Variants in IGSF10 observed in about 807,000 individuals in gnomAD.
The protein encoded by IGSF10 is calvaria mechanical force protein 608.
IGSF10 carries 126 observed loss-of-function variants against 128.2 expected under a neutral mutation model. That is an observed-to-expected ratio of 0.98 (90% CI 0.85 to 1.14). The LOEUF (loss-of-function observed/expected upper bound fraction) is 1.14. IGSF10 is among the 50% of genes most tolerant of loss of function. The probability of loss-of-function intolerance (pLI) is 0.00; values close to 1 mark genes in which losing one functional copy is unlikely to be tolerated. For missense variants in IGSF10, 3,295 were observed against 3,149.8 expected, an observed-to-expected ratio of 1.05 and a Z score of -1.10; for synonymous variants, 1,185 against 1,146.2, an observed-to-expected ratio of 1.03 and a Z score of -0.68.
At chr3:151,527,179 G>A in the IGSF10 span, among the ~76,000 whole-genome samples, 1 of 152,084 alleles carries the variant, frequency 6.6e-6, no homozygotes, top group African/African-American at 2.4e-5. Context: ...GCCTTTAAAT[G>A]ACAGAAAACT....
At chr3:151,614,783 G>A in the IGSF10 span, among the ~76,000 whole-genome samples, 13 of 151,478 alleles carry the variant, frequency 8.6e-5, no homozygotes, top group African/African-American at 2.9e-4. Context: ...TAACAAACCT[G>A]CACGTTGTGC....
chr3:151,440,497 C>T (rs537172560), intron 7 of IGSF10: 127 of 455,762 alleles, frequency 2.8e-4, no homozygotes, highest in African/African-American at 2.5e-3. Flanking sequence ...AGGTGCTTTG[C>T]ACTGGTTGTT....
At chr3:151,466,816 T>C in the IGSF10 span, among the ~76,000 whole-genome samples, 60 of 152,224 alleles carry the variant, frequency 3.9e-4, no homozygotes, top group African/African-American at 1.4e-3. Flanking sequence ...TGACCTCAGG[T>C]GATCCACCCG....
At chr3:151,520,134 T>C in the IGSF10 span, among the ~76,000 whole-genome samples, 1 of 151,776 alleles carries the variant, frequency 6.6e-6, no homozygotes, top group Non-Finnish European at 1.5e-5. Flanking sequence ...CAAAACACAC[T>C]CTGGTGTACC....
the IGSF10 span, among the ~76,000 whole-genome samples, chr3:151,580,999 G>T: frequency 6.6e-6 from 1 of 151,880 alleles, no homozygotes; most frequent in African/African-American, 2.4e-5. Flanking sequence ...AAAGAGCGGG[G>T]GAGGGAAAAG....
chr3:151,565,069 G>A, the IGSF10 span, among the ~76,000 whole-genome samples: 1,778 of 152,226 alleles, frequency 0.012, 40 homozygotes, highest in African/African-American at 0.04. Context: ...TCTGGTTCTG[G>A]AATCTGTGGC....
At chr3:151,592,422 C>T in the IGSF10 span, among the ~76,000 whole-genome samples, 1 of 152,128 alleles carries the variant, frequency 6.6e-6, no homozygotes, top group African/African-American at 2.4e-5. Context: ...GAAGGCACAG[C>T]AGGCAGCATG....
Position 151,437,496 on chromosome 3 carries a change from T to C in IGSF10, c.7065A>G (p.Thr2355=). Residue 2355 remains threonine (T), a synonymous_variant, in exon 8 of 8, where the codon ACA becomes ACG. Coordinates refer to ENST00000282466, the MANE Select transcript of IGSF10 (RefSeq NM_178822.5). The part of the protein sequence containing the change: ...EKIVAQLGKS[T]ALNCSVDGNP... Reference sequence around the variant, plus strand: ...TACCATCAACAGAGCAATTCAATGCTGTGGACTTTCCCAGCTGGGCAACTA... The same window carrying C: ...TACCATCAACAGAGCAATTCAATGCCGTGGACTTTCCCAGCTGGGCAACTA... The C allele has an allele frequency of 1.9e-6, 3 of 1,614,214 alleles. No individual in the cohort carries two copies. The highest frequency in any genetic ancestry group is 2.5e-6 in the Non-Finnish European group (3 of 1,180,046).
At chr3:151,531,080 AAG>A in the IGSF10 span, among the ~76,000 whole-genome samples, 2 of 152,202 alleles carry the variant, frequency 1.3e-5, no homozygotes, top group Non-Finnish European at 2.9e-5. Context: ...TAAAAATTGA[AAG>A]AGACAAAGAA....
chr3:151,445,096 C>T lies in IGSF10; in HGVS notation c.4885G>A (p.Ala1629Thr). The change falls in exon 6 of 8, where the codon GCA becomes ACA. Residue 1629 changes from alanine to threonine, a missense_variant. Transcript: ENST00000282466. ...AAGGGAAGGAGTTTGGAAGTTGTTG[C>T]TTCTTGAACTGGTTTCTTATCAAAG... ...SDFDKKPVQE[A>T]TTSKLLPFDS... 2 of 1,614,154 alleles carry T rather than the reference C, an allele frequency of 1.2e-6. No homozygotes were observed. The highest frequency in any genetic ancestry group is 1.1e-5 in the South Asian group (1 of 91,070).
At chr3:151,547,429 T>TATATATAC in the IGSF10 span, among the ~76,000 whole-genome samples, 25 of 146,958 alleles carry the variant, frequency 1.7e-4, no homozygotes, top group African/African-American at 6.3e-4. Flanking sequence ...AATATATATA[T>TATATATAC]ACACACACAC....
chr3:151,471,754 CATACTTGTAGAACTGAACTTG>C, the IGSF10 span, among the ~76,000 whole-genome samples: 1 of 152,148 alleles, frequency 6.6e-6, no homozygotes, highest in Non-Finnish European at 1.5e-5. Flanking sequence ...GATTGAAGCT[CATACTTGTAGAACTGAACTTG>C]AAAGTCAGGA....
At chr3:151,557,489 C>T in the IGSF10 span, among the ~76,000 whole-genome samples, 1 of 152,192 alleles carries the variant, frequency 6.6e-6, no homozygotes, top group Admixed American at 6.6e-5. Context: ...GGAGGAGCCT[C>T]AGAAAAAGCC....
At chr3:151,594,955 A>T in the IGSF10 span, among the ~76,000 whole-genome samples, 1 of 152,052 alleles carries the variant, frequency 6.6e-6, no homozygotes, top group South Asian at 2.1e-4. Flanking sequence ...AACGACAAGG[A>T]CCTAAACAGA....
chr3:151,505,644 T>C, the IGSF10 span, among the ~76,000 whole-genome samples: 1 of 152,066 alleles, frequency 6.6e-6, no homozygotes, highest in Non-Finnish European at 1.5e-5. Context: ...TCTAAAGATA[T>C]GTTACAGTGG....
At chr3:151,485,698 A>C in the IGSF10 span, among the ~76,000 whole-genome samples, 2 of 152,204 alleles carry the variant, frequency 1.3e-5, no homozygotes, top group Non-Finnish European at 2.9e-5. Context: ...ATCCAACAAA[A>C]CTAAGCTTCA....
rs1721401353 is a variant in IGSF10, at chr3:151,449,382, T to C, written c.716-117A>G. The C allele has an allele frequency of 6.8e-6, 7 of 1,023,098 alleles. No homozygotes were observed. The East Asian group carries it at 7.7e-5, about 11-fold the overall frequency. 63.4% of individuals were successfully genotyped at this position (1,023,098 alleles called of 1,614,324 possible). ...ACAATTTGGAAATTTTAGTGTTCAATGGAAAGTTTTCTGATTTTTTGCTTC... is the reference window on the plus strand; with the variant it reads ...ACAATTTGGAAATTTTAGTGTTCAACGGAAAGTTTTCTGATTTTTTGCTTC... On this transcript the variant is annotated intron_variant, in intron 5 of 7. Coordinates refer to ENST00000282466, the MANE Select transcript of IGSF10 (RefSeq NM_178822.5).
At chr3:151,554,436 T>C in the IGSF10 span, among the ~76,000 whole-genome samples, 14 of 152,266 alleles carry the variant, frequency 9.2e-5, no homozygotes, top group South Asian at 8.3e-4. Flanking sequence ...TAACTAAGGC[T>C]AGCAAAATAT....
downstream of IGSF10, chr3:151,434,953 A>G (rs1719935001): frequency 6.6e-6 from 1 of 151,988 alleles, no homozygotes; most frequent in African/African-American, 2.4e-5. Flanking sequence ...CCACGATTCT[A>G]TTGAAAGTTG....
Sources: gnomAD v4.1 joint callset for allele counts (sites outside exome capture counted in the v4.1 genomes callset) on GRCh38, gnomAD v4.1.1 for gene constraint, MANE v1.5 for transcripts, NCBI Gene and HGNC (gene_info 2026-07-23, HGNC 2026-07-21) for gene names.